Variants in MTRR observed in about 807,000 individuals in gnomAD.
MTRR encodes 5-methyltetrahydrofolate-homocysteine methyltransferase reductase.
In MTRR, 63 loss-of-function variants were observed where a neutral mutation model predicts 79.2. The observed-to-expected ratio is 0.80, with a 90% CI of 0.65 to 0.98. The LOEUF is 0.98. MTRR is among the 50% of genes least tolerant of loss of function. MTRR has a pLI of 0.00. For synonymous variants in MTRR, 355 were observed against 313.3 expected (o/e 1.13, Z -1.41); for missense variants, 895 against 839.6 (o/e 1.07, Z -0.82).
At chr5:7,869,133 CA>C (rs1363106596), upstream of MTRR, 15 of 1,613,360 alleles carry the variant, frequency 9.3e-6, no homozygotes, top group Non-Finnish European at 1.2e-5. Flanking sequence ...GGGTACCGAG[CA>C]TGGGCGCTGC....
intron 5 of MTRR, 103 bp from the exon 6 acceptor site, chr5:7,883,052 G>C: frequency 6.8e-7 from 1 of 1,466,966 alleles, no homozygotes; most frequent in Non-Finnish European, 9.5e-7. Flanking sequence ...ATACTGAGTA[G>C]CCAGGAAGTT....
chr5:7,897,039 G>A (rs199742744), intron 13 of MTRR, 26 bp from the exon 14 acceptor site: 10 of 1,613,112 alleles, frequency 6.2e-6, no homozygotes, highest in Non-Finnish European at 8.5e-6. Context: ...CAACCTTTTA[G>A]TGATCCATTA....
intron 8 of MTRR, among the ~76,000 whole-genome samples, chr5:7,888,408 CTG>C (rs774264251): frequency 2.0e-5 from 3 of 152,196 alleles, no homozygotes; most frequent in Non-Finnish European, 4.4e-5. Flanking sequence ...AATTTACAAA[CTG>C]TTATTGGTAG....
chr5:7,858,894 C>T (rs926625044), intron 1 of MTRR, among the ~76,000 whole-genome samples: 1 of 152,014 alleles, frequency 6.6e-6, no homozygotes, highest in Non-Finnish European at 1.5e-5. Context: ...AAAAACCTAC[C>T]TAAATTGCTT....
intron 1 of MTRR, chr5:7,861,490 T>C (rs1746528860): frequency 2.2e-6 from 2 of 892,214 alleles, no homozygotes; most frequent in Non-Finnish European, 1.6e-6. Flanking sequence ...TCCAGAATCA[T>C]ATCTATTTTT....
At chr5:7,864,347 AT>A (rs1319895221), upstream of MTRR, among the ~76,000 whole-genome samples, 1 of 152,220 alleles carries the variant, frequency 6.6e-6, no homozygotes, top group African/African-American at 2.4e-5. Flanking sequence ...AAAGATCTAA[AT>A]AAAATTTAAA....
chr5:7,896,211 T>C (rs6873330), intron 12 of MTRR, among the ~76,000 whole-genome samples: 7,470 of 152,310 alleles, frequency 0.049, 622 homozygotes, highest in African/African-American at 0.17. Flanking sequence ...GATCCAATTT[T>C]AGTAAAAGTT....
chr5:7,892,993 A>G (rs1737885832), intron 11 of MTRR, 80 bp downstream of exon 11: 1 of 1,460,026 alleles, frequency 6.8e-7, no homozygotes. Flanking sequence ...TGTCTCACCC[A>G]CATCATTCAT....
intron 1 of MTRR, among the ~76,000 whole-genome samples, chr5:7,852,761 A>G (rs1313962488): frequency 6.6e-6 from 1 of 151,128 alleles, no homozygotes; most frequent in Admixed American, 6.6e-5. Flanking sequence ...TTAAGCCCTT[A>G]TAATCTACTG....
At chr5:7,891,605 T>A (rs1165231518) in intron 10 of MTRR, among the ~76,000 whole-genome samples, 191 bp downstream of exon 10, 1 of 152,130 alleles carries the variant, frequency 6.6e-6, no homozygotes, top group East Asian at 1.9e-4. Flanking sequence ...GAATTTAACA[T>A]CTTGGGTGGC....
intron 4 of MTRR, among the ~76,000 whole-genome samples, chr5:7,876,786 T>G (rs1490755213): frequency 6.6e-6 from 1 of 152,180 alleles, no homozygotes; most frequent in African/African-American, 2.4e-5. Context: ...TGTGTAAGCT[T>G]CGTAGGAGGG....
At chr5:7,889,432 CATCTTAT>C (rs1561248806) in intron 9 of MTRR, among the ~76,000 whole-genome samples, 157 bp downstream of exon 9, 1 of 152,272 alleles carries the variant, frequency 6.6e-6, no homozygotes, top group African/African-American at 2.4e-5. Flanking sequence ...GGTAAGTAAA[CATCTTAT>C]ATCTTGTCTT....
upstream of MTRR, chr5:7,869,020 C>T (rs190642147): frequency 2.3e-6 from 3 of 1,287,754 alleles, no homozygotes; most frequent in Admixed American, 1.7e-5. Flanking sequence ...CGCGGAAGCG[C>T]CTGGGCGTCG....
Position 7,875,292 on chromosome 5 carries a change from T to TG in MTRR, c.324dup (p.Lys109GlufsTer4), listed in dbSNP as rs1189298981. ...ATTCAGAATACACCTACTTTTGCAA[T>TG]GGGGGGAAGATAATTGATAAACGAC... On this transcript the variant is annotated frameshift_variant, in exon 4 of 15. Transcript: ENST00000440940. LOFTEE classifies it high-confidence loss of function. 6.2e-7 allele frequency: 1 copy of TG among 1,613,774 alleles called. No individual in the cohort carries two copies. Among genetic ancestry groups the TG allele is most frequent in the African/African-American group, 1.3e-5 (1 of 75,010 alleles).
chr5:7,866,638 C>T (rs752920388), upstream of MTRR: 1 of 1,559,114 alleles, frequency 6.4e-7, no homozygotes, highest in Admixed American at 2.0e-5. Flanking sequence ...AATTTATAAC[C>T]AACTCACCTT....
intron 7 of MTRR, among the ~76,000 whole-genome samples, chr5:7,886,329 T>C (rs1736431284): frequency 6.6e-6 from 1 of 152,164 alleles, no homozygotes; most frequent in Non-Finnish European, 1.5e-5. Flanking sequence ...ATAATGCTAA[T>C]GGAGTACTGC....
intron 8 of MTRR, among the ~76,000 whole-genome samples, chr5:7,887,793 C>CATATATACATACAT (rs1491410388): frequency 1.1e-5 from 1 of 92,052 alleles, no homozygotes; most frequent in East Asian, 3.2e-4. Context: ...TGTGTGTGTG[C>CATATATACATACAT]ATATATATAT....
upstream of MTRR, among the ~76,000 whole-genome samples, chr5:7,864,248 C>T (rs181199542): frequency 4.9e-4 from 75 of 152,196 alleles, no homozygotes; most frequent in African/African-American, 1.6e-3. Context: ...ACAATGTATA[C>T]ATATTTCAAA....
chr5:7,861,594 A>C (rs1429954981), intron 1 of MTRR: 1 of 1,592,190 alleles, frequency 6.3e-7, no homozygotes, highest in African/African-American at 1.3e-5. Flanking sequence ...TTTTATGGAT[A>C]TCTTCATTAG....
Sources: allele counts gnomAD v4.1 joint callset (sites outside exome capture counted in the v4.1 genomes callset), GRCh38; gene constraint gnomAD v4.1.1; transcripts MANE v1.5; gene names NCBI Gene and HGNC (gene_info 2026-07-23, HGNC 2026-07-21).